Variants in TAT observed in about 807,000 individuals in gnomAD.
The protein encoded by TAT is L-tyrosine:2-oxoglutarate aminotransferase.
Under a neutral mutation model 53.6 loss-of-function variants are expected in TAT, and 35 were observed. That is an observed-to-expected ratio of 0.65 (90% CI 0.50 to 0.87). The LOEUF (loss-of-function observed/expected upper bound fraction) is 0.87, where lower values mean the gene tolerates loss of function less well. Among genes scored for constraint, TAT ranks in the 40% least tolerant of loss-of-function variants. The pLI, the probability that TAT is intolerant of heterozygous loss-of-function variation, is 0.00. For missense variants in TAT, 525 were observed against 571.8 expected, an observed-to-expected ratio of 0.92 and a Z score of 0.83; for synonymous variants, 197 against 206.5, an observed-to-expected ratio of 0.95 and a Z score of 0.39.
Position 71,568,028 on chromosome 16 carries a change from G to C in TAT, c.*116C>G. The C allele has an allele frequency of 8.1e-7, 1 of 1,242,092 alleles. No homozygotes were observed. Among genetic ancestry groups the C allele is most frequent in the Non-Finnish European group, 1.2e-6 (1 of 850,912 alleles). 76.9% of individuals were successfully genotyped at this position (1,242,092 alleles called of 1,614,324 possible). On this transcript the variant is annotated 3_prime_UTR_variant, in exon 12 of 12. Coordinates refer to ENST00000355962, the MANE Select transcript of TAT (RefSeq NM_000353.3). ...AAAGCAGGAACAATCTTGAACCCTT[G>C]ACATGGTGCATTTGAGGCCCCTCTC...
intron 4 of TAT, 108 bp from the exon 5 acceptor site, chr16:71,572,796 G>A (rs2044211839): frequency 2.4e-6 from 3 of 1,233,090 alleles, no homozygotes; most frequent in Middle Eastern, 1.9e-4. Flanking sequence ...CCTTTAACAA[G>A]TTGTAAGTAG....
chr16:71,566,397 C>T lies in TAT; in HGVS notation c.*1747G>A, dbSNP rs8063793. The stretch of plus-strand genomic sequence containing the variant: ...CCTAACCCCCAACCTTGAAAGGTAA[C>T]TTAAGGCTCCCTCCTCTAAGGGAAG... On this transcript the variant is annotated 3_prime_UTR_variant, in exon 12 of 12. Transcript: ENST00000355962. 7.6e-5 allele frequency: 11 copies of T among 143,828 alleles called. No homozygotes were observed. The highest frequency in any genetic ancestry group is 2.6e-4 in the African/African-American group (10 of 38,664). 8.9% of individuals were successfully genotyped at this position (143,828 alleles called of 1,614,324 possible). A position where few individuals can be genotyped will look rare whatever the true frequency, so the allele number is the denominator to read the frequency against.
chr16:71,571,304 G>A (rs2044201311), intron 7 of TAT, among the ~76,000 whole-genome samples: 1 of 152,078 alleles, frequency 6.6e-6, no homozygotes, highest in South Asian at 2.1e-4. Flanking sequence ...TAACATTTCT[G>A]CCATTTTCCC....
intron 6 of TAT, 175 bp downstream of exon 6, chr16:71,572,011 T>C: frequency 1.3e-6 from 1 of 771,756 alleles, no homozygotes; most frequent in South Asian, 1.7e-5. Context: ...CTTCTTTTTC[T>C]TCTTTTAGGC....
rs2044234545 is a variant in TAT at position 71,576,263 on chromosome 16, TTTCTTG to T, written c.147_152del (p.Lys50_Lys51del). 1 of 1,614,052 alleles carries T rather than the reference TTTCTTG, an allele frequency of 6.2e-7. No homozygotes were observed. Among genetic ancestry groups the T allele is most frequent in the African/African-American group, 1.3e-5 (1 of 74,936 alleles). On this transcript the variant is annotated inframe_deletion, in exon 2 of 12. Transcript: ENST00000355962. ...CAATGGCTCGGATGGGGTTGAAAGTTTTCTTGGCCATGTCTGAGGGCCTCACAGACC... is the reference window on the plus strand; with the variant it reads ...CAATGGCTCGGATGGGGTTGAAAGTTGCCATGTCTGAGGGCCTCACAGACC...
At position 71,570,313 on chromosome 16, in the gene TAT, G is replaced by T. The variant is rs528193761; in HGVS notation, c.997C>A (p.Arg333Ser). 1.9e-6 allele frequency: 3 copies of T among 1,614,130 alleles called. No individual in the cohort carries two copies. The highest frequency in any genetic ancestry group is 1.3e-5 in the African/African-American group (1 of 75,020). ...TTGTGGTAAAACTCTCCCGGGGTGC[G>T]ACATAGGATGCTTTTCAGAGCTCCC... is the stretch of plus-strand genomic sequence containing the variant. ...VQGALKSILC[R>S]TPGEFYHNTL... Residue 333 changes from arginine to serine, a missense_variant, in exon 9 of 12, where the codon CGC becomes AGC. Coordinates refer to ENST00000355962, the MANE Select transcript of TAT (RefSeq NM_000353.3).
chr16:71,573,739 T>G, intron 3 of TAT, 133 bp from the exon 4 acceptor site: 1 of 768,680 alleles, frequency 1.3e-6, no homozygotes, highest in Non-Finnish European at 2.2e-6. Context: ...CAAGGGATCC[T>G]CCCACCTTAG....
At position 71,567,980 on chromosome 16, in the gene TAT, G is replaced by A; in HGVS notation, c.*164C>T. ...CGATGTGAATGAGGAGGATCTGAGT[G>A]TGGGTGTGGTTGTACTTGGGGAAAA... On this transcript the variant is annotated 3_prime_UTR_variant, in exon 12 of 12. Coordinates refer to ENST00000355962, the MANE Select transcript of TAT (RefSeq NM_000353.3). 2 of 744,896 alleles carry A rather than the reference G, an allele frequency of 2.7e-6. No individual in the cohort carries two copies. Among genetic ancestry groups the A allele is most frequent in the Non-Finnish European group, 4.6e-6 (2 of 432,940 alleles). The allele number at this position is 744,896 out of a possible 1,614,324, so 46.1% of individuals were successfully genotyped here. A position where few individuals can be genotyped will look rare whatever the true frequency, so the allele number is the denominator to read the frequency against.
In TAT at chr16:71,570,217, G is replaced by A. The variant is rs548552534; in HGVS notation, c.1041+52C>T. 2.6e-5 allele frequency: 42 copies of A among 1,613,584 alleles called. 1 individual carries two copies. The South Asian group carries it at 3.2e-4, about 12-fold the overall frequency. On this transcript the variant is annotated intron_variant, in intron 9 of 11. Transcript: ENST00000355962. Reference sequence around the variant, plus strand: ...ACCAATTATTCCTAATTCCACGGGCGGCATTCTCTGACTCCCAAACTCCCA... The same window carrying A: ...ACCAATTATTCCTAATTCCACGGGCAGCATTCTCTGACTCCCAAACTCCCA...
chr16:71,573,529 T>A lies in TAT; in HGVS notation c.408+10A>T, dbSNP rs766194831. 3.3e-5 allele frequency: 52 copies of A among 1,552,326 alleles called. No individual in the cohort carries two copies. The Admixed American group carries it at 1.0e-3, about 30-fold the overall frequency. Reference sequence around the variant, plus strand: ...ATTGCTTCAGAGCTGGTGTCTTGTATAAGGCTCACCTTAGCTTCTAGGGGT... The same window carrying A: ...ATTGCTTCAGAGCTGGTGTCTTGTAAAAGGCTCACCTTAGCTTCTAGGGGT... On this transcript the variant is annotated intron_variant, in intron 4 of 11. Transcript: ENST00000355962.
Position 71,576,380 on chromosome 16 carries a change from G to A in TAT, c.36C>T (p.Gly12=), listed in dbSNP as rs1305773739. Residue 12 remains glycine (G), a synonymous_variant, in exon 2 of 12, where the codon GGC becomes GGT. Coordinates refer to ENST00000355962, the MANE Select transcript of TAT (RefSeq NM_000353.3). The part of the protein sequence containing the change: ...DPYMIQMSSK[G]NLPSILDVHV... ...GCACGTCCAGAATTGAGGGGAGGTT[G>A]CCTTTGCTGCTCATCTGAATCATGT... The A allele has an allele frequency of 1.2e-6, 2 of 1,614,046 alleles. No homozygotes were observed. The highest frequency in any genetic ancestry group is 4.5e-5 in the East Asian group (2 of 44,890).
Position 71,568,048 on chromosome 16 carries a change from C to T in TAT, c.*96G>A. On this transcript the variant is annotated 3_prime_UTR_variant, in exon 12 of 12. Transcript: ENST00000355962. ...CCCTTGACATGGTGCATTTGAGGCC[C>T]CTCTCCCAGTAGGGCCACCTGAGTC... The T allele has an allele frequency of 6.7e-7, 1 of 1,490,540 alleles. No homozygotes were observed. Among genetic ancestry groups the T allele is most frequent in the Non-Finnish European group, 9.3e-7 (1 of 1,071,680 alleles). The allele number at this position is 1,490,540 out of a possible 1,614,324, so 92.3% of individuals were successfully genotyped here.
At position 71,570,839 on chromosome 16, in the gene TAT, G is replaced by A; in HGVS notation, c.760-8C>T. The A allele has an allele frequency of 6.2e-7, 1 of 1,613,766 alleles. No individual in the cohort carries two copies. The highest frequency in any genetic ancestry group is 8.5e-7 in the Non-Finnish European group (1 of 1,179,868). ...TTTGCAATCCGAAAACACCTGAGAA[G>A]AGGCACTTGTTATGGTTGTTTTCTT... On this transcript the variant is annotated splice_region_variant and splice_polypyrimidine_tract_variant and intron_variant, in intron 7 of 11. Coordinates refer to ENST00000355962, the MANE Select transcript of TAT (RefSeq NM_000353.3).
chr16:71,569,780 T>TG, intron 10 of TAT, 74 bp downstream of exon 10: 1 of 1,421,860 alleles, frequency 7.0e-7, no homozygotes. Flanking sequence ...TGACTGCCTG[T>TG]GGCAATTCTG....
Position 71,572,563 on chromosome 16 carries a change from A to G in TAT, c.534T>C (p.Ser178=), listed in dbSNP as rs775868421. The change falls in exon 5 of 12, where the codon TCT becomes TCC. Residue 178 remains serine (S), a synonymous_variant. Transcript: ENST00000355962. ...TGTAGAGTTTGACCTCAATTCCCAT[A>G]GACTCAGCCAGAGTCTTGTAGAGAG... ...GFSLYKTLAE[S]MGIEVKLYNL... is the part of the protein sequence containing the mutation. 4 of 1,614,252 alleles carry G rather than the reference A, an allele frequency of 2.5e-6. No individual in the cohort carries two copies.
chr16:71,570,350 A>G lies in TAT; in HGVS notation c.960T>C (p.Cys320=). 6.2e-7 allele frequency: 1 copy of G among 1,614,166 alleles called. No homozygotes were observed. Among genetic ancestry groups the G allele is most frequent in the Non-Finnish European group, 8.5e-7 (1 of 1,180,010 alleles). ...VKLSQRILGP[C]TIVQGALKSI... ...TTTTCAGAGCTCCCTGGACAATGGT[A>G]CAGGGTCCCAAAATGCGCTGACTCA... is the stretch of plus-strand genomic sequence containing the variant. Residue 320 remains cysteine (C), a synonymous_variant, in exon 9 of 12, where the codon TGT becomes TGC. Transcript: ENST00000355962.
intron 11 of TAT, 27 bp from the exon 12 acceptor site, chr16:71,568,311 C>T (rs1297348401): frequency 6.2e-7 from 1 of 1,613,440 alleles, no homozygotes; most frequent in East Asian, 2.2e-5. Flanking sequence ...CTGTTACTTT[C>T]AGAGCAATTG....
chr16:71,568,918 T>A, intron 10 of TAT, 109 bp from the exon 11 acceptor site: 1 of 765,270 alleles, frequency 1.3e-6, no homozygotes, highest in South Asian at 1.5e-5. Context: ...CTTGGAACTG[T>A]GCTACTGATC....
In TAT at chr16:71,572,582, T is replaced by C; in HGVS notation, c.515A>G (p.Tyr172Cys). Residue 172 changes from tyrosine to cysteine, a missense_variant, in exon 5 of 12, where the codon TAC becomes TGC. Physicochemically the swap from Tyr to Cys is radical, Grantham distance 194. Coordinates refer to ENST00000355962, the MANE Select transcript of TAT (RefSeq NM_000353.3). ...ILVPRPGFSLYKTLAESMGIE... is the reference protein window; with the variant it reads ...ILVPRPGFSLCKTLAESMGIE... ...TCCCATAGACTCAGCCAGAGTCTTG[T>C]AGAGAGAGAAACCAGGTCTTGGAAC... 1 of 1,614,164 alleles carries C rather than the reference T, an allele frequency of 6.2e-7. No homozygotes were observed. The highest frequency in any genetic ancestry group is 8.5e-7 in the Non-Finnish European group (1 of 1,180,030).
Sources: allele counts gnomAD v4.1 joint callset (sites outside exome capture counted in the v4.1 genomes callset), GRCh38; gene constraint gnomAD v4.1.1; transcripts MANE v1.5; gene names NCBI Gene and HGNC (gene_info 2026-07-23, HGNC 2026-07-21).